The following ARHGAP44 variants were observed in gnomAD, a reference collection of about 807,000 sequenced individuals.
The protein encoded by ARHGAP44 is rho GTPase-activating protein 44.
Under a neutral mutation model 106.8 loss-of-function variants are expected in ARHGAP44, and 43 were observed. The ratio of observed to expected loss-of-function variants is 0.40; its 90% confidence interval spans 0.32 to 0.52. The LOEUF is 0.52. Among genes scored for constraint, ARHGAP44 ranks in the 20% least tolerant of loss-of-function variants. ARHGAP44 has a pLI of 0.48. For missense variants in ARHGAP44, 866 were observed against 1,050.5 expected, an observed-to-expected ratio of 0.82 and a Z score of 2.43; for synonymous variants, 439 against 410.3, an observed-to-expected ratio of 1.07 and a Z score of -0.85.
chr17:12,931,569 T>C (rs2038400754), intron 7 of ARHGAP44, among the ~76,000 whole-genome samples: 1 of 151,652 alleles, frequency 6.6e-6, no homozygotes, highest in South Asian at 2.1e-4. Context: ...GGATCTCCGC[T>C]CACTGCAAGC....
intron 1 of ARHGAP44, among the ~76,000 whole-genome samples, chr17:12,886,364 CTTA>C (rs2036882802): frequency 6.6e-6 from 1 of 152,044 alleles, no homozygotes; most frequent in South Asian, 2.1e-4. Context: ...TATAATAAAT[CTTA>C]TTAAGATTTT....
At chr17:12,909,668 G>GAGGT (rs573093035) in intron 4 of ARHGAP44, among the ~76,000 whole-genome samples, 190 of 152,260 alleles carry the variant, frequency 1.2e-3, no homozygotes, top group African/African-American at 4.2e-3. Flanking sequence ...CAGAGATAAG[G>GAGGT]AGGTAGGCAT....
chr17:12,853,501 C>T (rs1333092814), intron 1 of ARHGAP44, among the ~76,000 whole-genome samples: 4 of 152,034 alleles, frequency 2.6e-5, no homozygotes, highest in Non-Finnish European at 4.4e-5. Context: ...AGAGGTGAAT[C>T]GTTTGCAAGA....
At chr17:12,843,491 T>A (rs2035477142) in intron 1 of ARHGAP44, among the ~76,000 whole-genome samples, 1 of 152,134 alleles carries the variant, frequency 6.6e-6, no homozygotes, top group East Asian at 1.9e-4. Flanking sequence ...TGGCACCTCG[T>A]TCATCTTTTG....
intron 7 of ARHGAP44, 31 bp downstream of exon 7, chr17:12,929,077 G>T: frequency 4.4e-6 from 7 of 1,574,626 alleles, no homozygotes; most frequent in South Asian, 1.1e-5. Flanking sequence ...TCTCTACTGG[G>T]ACAGGCTGGG....
At chr17:12,790,083 A>C in intron 1 of ARHGAP44, 192 bp downstream of exon 1, 3 of 505,402 alleles carry the variant, frequency 5.9e-6, no homozygotes, top group Non-Finnish European at 1.0e-5. Context: ...AGCTCTTCTC[A>C]CTCGCCGCCT....
At chr17:12,790,119 C>T (rs992228953) in intron 1 of ARHGAP44, 1 of 496,226 alleles carries the variant, frequency 2.0e-6, no homozygotes, top group Non-Finnish European at 3.5e-6. Context: ...GGTTGCCAAG[C>T]GCAAAGTGTG....
At chr17:12,906,649 C>T (rs2037558454) in intron 3 of ARHGAP44, among the ~76,000 whole-genome samples, 1 of 152,184 alleles carries the variant, frequency 6.6e-6, no homozygotes, top group South Asian at 2.1e-4. Context: ...GAAGTAAGTT[C>T]TGTGGCTGGG....
chr17:12,944,032 G>A (rs372612950), intron 9 of ARHGAP44, 37 bp from the exon 10 acceptor site: 13 of 1,557,556 alleles, frequency 8.3e-6, no homozygotes, highest in Middle Eastern at 1.7e-4. Context: ...TGAACTTGGC[G>A]AACAGCTGAC....
Position 12,924,379 on chromosome 17 carries a change from G to A in ARHGAP44, c.464+4548G>A, listed in dbSNP as rs193298655. On this transcript the variant is annotated intron_variant, in intron 6 of 20. Coordinates refer to ENST00000379672, the MANE Select transcript of ARHGAP44 (RefSeq NM_014859.6). ...TTAAAGGTTGTGAATTGAATTGAAT[G>A]ATACGCAAATTTCTTTTTTGTGTGT... Among the ~76,000 whole-genome samples, 18 of 152,324 alleles carry A rather than the reference G, an allele frequency of 1.2e-4. No homozygotes were observed. In the East Asian group the frequency reaches 3.5e-3, roughly 29 times the overall value.
intron 20 of ARHGAP44, chr17:12,987,032 T>TC: frequency 7.5e-7 from 1 of 1,334,388 alleles, no homozygotes; most frequent in South Asian, 1.5e-5. Context: ...TTTTTTTTTT[T>TC]TTTTTTGTGA....
In ARHGAP44 at chr17:12,958,826, G is replaced by A; in HGVS notation, c.1452G>A (p.Gln484=). 1.3e-6 allele frequency: 2 copies of A among 1,585,336 alleles called. No individual in the cohort carries two copies. Among genetic ancestry groups the A allele is most frequent in the Non-Finnish European group, 1.7e-6 (2 of 1,167,240 alleles). The change falls in exon 16 of 21, where the codon CAG becomes CAA. Residue 484 remains glutamine (Q), a synonymous_variant. Coordinates refer to ENST00000379672, the MANE Select transcript of ARHGAP44 (RefSeq NM_014859.6). The surrounding 1 kb of genome is among the most constrained non-coding windows in gnomAD (Gnocchi z 4.1). ...SPDMDPADRR[Q]PEQARRPLSV... ...ACATGGACCCTGCTGACCGGCGCCAGCCCGAGCAGGCCCGCCGGCCCCTCA... is the reference window on the plus strand; with the variant it reads ...ACATGGACCCTGCTGACCGGCGCCAACCCGAGCAGGCCCGCCGGCCCCTCA...
At chr17:12,939,743 G>A (rs1487637046) in intron 7 of ARHGAP44, among the ~76,000 whole-genome samples, 3 of 152,244 alleles carry the variant, frequency 2.0e-5, no homozygotes. Context: ...TGGGATTACA[G>A]GCGTGAGCCA....
chr17:12,974,772 A>G (rs2039633240), intron 18 of ARHGAP44, among the ~76,000 whole-genome samples: 1 of 152,226 alleles, frequency 6.6e-6, no homozygotes, highest in Non-Finnish European at 1.5e-5. Flanking sequence ...GCACAGTAGG[A>G]CATAAGCAAT....
At chr17:12,877,881 C>A (rs771654800) in intron 1 of ARHGAP44, among the ~76,000 whole-genome samples, 5 of 152,232 alleles carry the variant, frequency 3.3e-5, no homozygotes, top group Non-Finnish European at 7.3e-5. Flanking sequence ...TCAGAGAAGT[C>A]CTCCTTGCTT....
chr17:12,843,808 A>G (rs1328548328), intron 1 of ARHGAP44, among the ~76,000 whole-genome samples: 1 of 151,864 alleles, frequency 6.6e-6, no homozygotes, highest in Non-Finnish European at 1.5e-5. Flanking sequence ...GGCACGTGCC[A>G]CCATGCCTGG....
At chr17:12,913,968 CAAA>C (rs58231055) in intron 4 of ARHGAP44, among the ~76,000 whole-genome samples, 3 of 63,464 alleles carry the variant, frequency 4.7e-5, no homozygotes, top group South Asian at 7.0e-4. Context: ...GATTTTGTCT[CAAA>C]AAAAAAAAAA....
chr17:12,876,026 A>T (rs1485629757), intron 1 of ARHGAP44, among the ~76,000 whole-genome samples: 1 of 152,210 alleles, frequency 6.6e-6, no homozygotes, highest in African/African-American at 2.4e-5. Flanking sequence ...TTAGAGCTAG[A>T]AGCTCTAACT....
intron 13 of ARHGAP44, among the ~76,000 whole-genome samples, chr17:12,954,940 A>G (rs572826357): frequency 1.8e-4 from 27 of 152,142 alleles, no homozygotes; most frequent in Non-Finnish European, 3.8e-4. Context: ...TAGTTTTGCA[A>G]CTATTACTGG....
Sources: gnomAD v4.1 joint callset for allele counts (sites outside exome capture counted in the v4.1 genomes callset) on GRCh38, gnomAD v4.1.1 for gene constraint, Gnocchi (gnomAD v3.1) non-coding constraint, MANE v1.5 for transcripts, NCBI Gene and HGNC (gene_info 2026-07-23, HGNC 2026-07-21) for gene names.